Variants in GNAL observed in about 807,000 individuals in gnomAD.
GNAL encodes G protein subunit alpha L.
Under a neutral mutation model 55.1 loss-of-function variants are expected in GNAL, and 18 were observed. The observed-to-expected ratio is 0.33, with a 90% CI of 0.23 to 0.48. The LOEUF (loss-of-function observed/expected upper bound fraction) is 0.48, where lower values mean the gene tolerates loss of function less well. Among genes scored for constraint, GNAL ranks in the 20% least tolerant of loss-of-function variants. The pLI, the probability that GNAL is intolerant of heterozygous loss-of-function variation, is 0.99. For missense variants in GNAL, 412 were observed against 614.1 expected (o/e 0.67, Z 3.48); for synonymous variants, 253 against 237.0 (o/e 1.07, Z -0.62).
Position 11,885,564 on chromosome 18 carries a change from T to C in GNAL, c.*4429T>C. 1 of 1,335,912 alleles carries C rather than the reference T, an allele frequency of 7.5e-7. No individual in the cohort carries two copies. The allele number at this position is 1,335,912 out of a possible 1,614,324, so 82.8% of individuals were successfully genotyped here. A position where few individuals can be genotyped will look rare whatever the true frequency, so the allele number is the denominator to read the frequency against. ...GGAGCTACGTGTAGAAGGAGAGAAATTTGTGTGTGGCTTTTGTAAATTTTG... is the reference window on the plus strand; with the variant it reads ...GGAGCTACGTGTAGAAGGAGAGAAACTTGTGTGTGGCTTTTGTAAATTTTG... On this transcript the variant is annotated 3_prime_UTR_variant, in exon 12 of 12. Transcript: ENST00000334049.
intron 4 of GNAL, among the ~76,000 whole-genome samples, chr18:11,823,026 T>G (rs896346998): frequency 3.3e-5 from 5 of 152,144 alleles, no homozygotes; most frequent in Non-Finnish European, 7.3e-5. Context: ...CATACGTCTG[T>G]CGTGTCCAGA....
Position 11,752,821 on chromosome 18 carries a change from CA to C in GNAL, c.377-31del. 3 of 1,494,168 alleles carry C rather than the reference CA, an allele frequency of 2.0e-6. No homozygotes were observed. Among genetic ancestry groups the C allele is most frequent in the Non-Finnish European group, 2.8e-6 (3 of 1,070,910 alleles). The allele number at this position is 1,494,168 out of a possible 1,614,324, so 92.6% of individuals were successfully genotyped here. On this transcript the variant is annotated intron_variant, in intron 1 of 11. Coordinates refer to ENST00000334049, the MANE Select transcript of GNAL (RefSeq NM_182978.4). The surrounding 1 kb of genome is among the most constrained non-coding windows in gnomAD (Gnocchi z 4.5). ...GAGAGATGGCAGCGATATCCGGACACAGATCACAGCGTTCTTTCTGTTTGTT... is the reference window on the plus strand; with the variant it reads ...GAGAGATGGCAGCGATATCCGGACACGATCACAGCGTTCTTTCTGTTTGTT...
intron 4 of GNAL, among the ~76,000 whole-genome samples, chr18:11,806,848 C>T (rs1266995744): frequency 6.6e-6 from 1 of 151,036 alleles, no homozygotes; most frequent in Admixed American, 6.6e-5. Flanking sequence ...ATTTGGTATT[C>T]TGTTCTTGTG....
At chr18:11,822,704 G>C (rs1283646739) in intron 4 of GNAL, among the ~76,000 whole-genome samples, 1 of 152,182 alleles carries the variant, frequency 6.6e-6, no homozygotes, top group Non-Finnish European at 1.5e-5. Flanking sequence ...GCACCGTGTG[G>C]GCTCACTTCC....
intron 1 of GNAL, among the ~76,000 whole-genome samples, chr18:11,715,955 C>T (rs2031953566): frequency 6.6e-6 from 1 of 151,090 alleles, no homozygotes; most frequent in Non-Finnish European, 1.5e-5. Context: ...GATACCATCT[C>T]ACACCAATCA....
At chr18:11,728,305 G>A (rs2032257988) in intron 1 of GNAL, among the ~76,000 whole-genome samples, 1 of 152,066 alleles carries the variant, frequency 6.6e-6, no homozygotes, top group Admixed American at 6.6e-5. Context: ...CATGATTGTT[G>A]TCTCATTTTA....
intron 1 of GNAL, among the ~76,000 whole-genome samples, chr18:11,701,067 C>A (rs1226455162): frequency 6.6e-6 from 1 of 152,182 alleles, no homozygotes; most frequent in African/African-American, 2.4e-5. Flanking sequence ...TGGAAAAGTT[C>A]ACTGTGTTGT....
chr18:11,704,689 T>C (rs1339301132), intron 1 of GNAL, among the ~76,000 whole-genome samples: 3 of 152,226 alleles, frequency 2.0e-5, no homozygotes, highest in African/African-American at 7.2e-5. Flanking sequence ...TATTTTCTTT[T>C]AGTTTCTCCT....
At chr18:11,697,592 C>T (rs1200186959) in intron 1 of GNAL, among the ~76,000 whole-genome samples, 3 of 151,632 alleles carry the variant, frequency 2.0e-5, no homozygotes, top group Admixed American at 6.6e-5. Context: ...TGTGAGGAGG[C>T]GACCTCATTC....
chr18:11,752,458 A>G lies in GNAL; in HGVS notation c.377-395A>G. ...CATGGGGTGTTTGGGCGGCAACAGC[A>G]AGACGACGGAAGACCAGGGCGTCGA... On this transcript the variant is annotated intron_variant, in intron 1 of 11. Coordinates refer to ENST00000334049, the MANE Select transcript of GNAL (RefSeq NM_182978.4). This position sits in a 1 kb window ranked among gnomAD's most constrained non-coding sequence, Gnocchi z 4.5. 1 of 1,611,744 alleles carries G rather than the reference A, an allele frequency of 6.2e-7. No homozygotes were observed. Among genetic ancestry groups the G allele is most frequent in the Non-Finnish European group, 8.5e-7 (1 of 1,179,024 alleles).
intron 5 of GNAL, among the ~76,000 whole-genome samples, chr18:11,829,614 AC>A (rs1474363883): frequency 1.3e-5 from 2 of 152,064 alleles, no homozygotes; most frequent in Non-Finnish European, 2.9e-5. Context: ...AGACCACGAG[AC>A]TCGTGTGTCT....
chr18:11,821,815 GAGCTAGAA>G, intron 4 of GNAL, among the ~76,000 whole-genome samples: 1 of 152,194 alleles, frequency 6.6e-6, no homozygotes, highest in Non-Finnish European at 1.5e-5. Flanking sequence ...AAATGCTTCA[GAGCTAGAA>G]TGTCCTCCCT....
chr18:11,821,943 C>T (rs373295779), intron 4 of GNAL, among the ~76,000 whole-genome samples: 8 of 152,252 alleles, frequency 5.3e-5, no homozygotes, highest in Admixed American at 3.9e-4. Context: ...GGCCAGAACG[C>T]GCCCAGGCCA....
At chr18:11,735,896 A>G (rs2032452381) in intron 1 of GNAL, among the ~76,000 whole-genome samples, 1 of 152,166 alleles carries the variant, frequency 6.6e-6, no homozygotes, top group African/African-American at 2.4e-5. Flanking sequence ...GCAACACTGG[A>G]AACCTCCCTT....
intron 5 of GNAL, among the ~76,000 whole-genome samples, chr18:11,828,270 G>A (rs934310130): frequency 5.3e-5 from 8 of 152,122 alleles, no homozygotes; most frequent in African/African-American, 1.9e-4. Flanking sequence ...TGGGCATGGT[G>A]GCACATGCCT....
chr18:11,879,693 C>T (rs2036616525), intron 11 of GNAL, among the ~76,000 whole-genome samples: 1 of 152,214 alleles, frequency 6.6e-6, no homozygotes, highest in African/African-American at 2.4e-5. Flanking sequence ...CAATTTGGCC[C>T]TAACAGCCTG....
intron 10 of GNAL, among the ~76,000 whole-genome samples, chr18:11,873,457 A>G (rs1008486191): frequency 2.0e-5 from 3 of 152,258 alleles, no homozygotes; most frequent in Non-Finnish European, 2.9e-5. Flanking sequence ...ATATTTCCTT[A>G]TAGGAATAAA....
intron 4 of GNAL, among the ~76,000 whole-genome samples, chr18:11,778,413 GA>G (rs775223770): frequency 4.6e-5 from 7 of 152,128 alleles, no homozygotes; most frequent in Non-Finnish European, 8.8e-5. Context: ...CAGGCTGAGC[GA>G]GCATCCCCTA....
intron 4 of GNAL, among the ~76,000 whole-genome samples, chr18:11,755,366 C>T (rs2033016324): frequency 6.6e-6 from 1 of 152,124 alleles, no homozygotes; most frequent in South Asian, 2.1e-4. Flanking sequence ...CTCCGCCTCC[C>T]GGGTTCACGC....
Sources: gnomAD v4.1 joint callset for allele counts (sites outside exome capture counted in the v4.1 genomes callset) on GRCh38, gnomAD v4.1.1 for gene constraint, Gnocchi (gnomAD v3.1) non-coding constraint, MANE v1.5 for transcripts, NCBI Gene and HGNC (gene_info 2026-07-23, HGNC 2026-07-21) for gene names.